C4orf50: variants seen among roughly 807,000 people sequenced by gnomAD.
The protein encoded by C4orf50 is chromosome 4 open reading frame 50, also known as uncharacterized protein C4orf50.
A neutral mutation model predicts 77.2 loss-of-function variants in C4orf50; 80 were observed. That is an observed-to-expected ratio of 1.04 (90% CI 0.87 to 1.25). The LOEUF is 1.25. Ranked by LOEUF, C4orf50 falls within the 50% of genes most tolerant of loss-of-function variation. The pLI, the probability that C4orf50 is intolerant of heterozygous loss-of-function variation, is 0.00. For synonymous variants in C4orf50, 532 were observed against 465.3 expected (o/e 1.14, Z -1.84); for missense variants, 1,257 against 1,152.9 (o/e 1.09, Z -1.31).
At chr4:5,903,570 C>T (rs1315523696) in intron 7 of C4orf50, 1 of 152,164 alleles carries the variant, frequency 6.6e-6, no homozygotes, top group Non-Finnish European at 1.5e-5. Flanking sequence ...TGATTCCACT[C>T]ACATGAGGTC....
At chr4:5,948,718 C>CT (rs1407750056) in intron 7 of C4orf50, among the ~76,000 whole-genome samples, 2 of 151,146 alleles carry the variant, frequency 1.3e-5, no homozygotes, top group African/African-American at 4.9e-5. Flanking sequence ...TTGCTTGAAC[C>CT]GGGAGGCAGA....
chr4:6,001,079 T>C (rs538398152), intron 25 of C4orf50, among the ~76,000 whole-genome samples: 89 of 152,190 alleles, frequency 5.8e-4, no homozygotes, highest in African/African-American at 2.0e-3. Context: ...TAGTCGAAAT[T>C]CTCCTAACCT....
Position 6,007,021 on chromosome 4 carries a change from T to C in C4orf50, c.963+975A>G, listed in dbSNP as rs115144802. On this transcript the variant is annotated intron_variant, in intron 25 of 33. Coordinates refer to ENST00000531445, the Ensembl canonical transcript of C4orf50. This position sits in a 1 kb window ranked among gnomAD's most constrained non-coding sequence, Gnocchi z 4.1. Reference sequence around the variant, plus strand: ...CATATGAGTCCCATGGCACAGCATGTTGAAGATTTTGTCTAGCGCAGGGCC... The same window carrying C: ...CATATGAGTCCCATGGCACAGCATGCTGAAGATTTTGTCTAGCGCAGGGCC... Among the ~76,000 whole-genome samples, 3,119 of 152,240 alleles carry C rather than the reference T, an allele frequency of 0.02. 108 individuals are homozygous for C. The highest frequency in any genetic ancestry group is 0.069 in the African/African-American group (2,882 of 41,518).
intron 7 of C4orf50, among the ~76,000 whole-genome samples, chr4:5,938,795 CT>C (rs5855874): frequency 0.5 from 75,377 of 149,688 alleles, 19,603 homozygotes; most frequent in Non-Finnish European, 0.58. Flanking sequence ...TTTTTCTTTT[CT>C]TTTTTTTTTT....
intron 7 of C4orf50, among the ~76,000 whole-genome samples, chr4:5,924,710 T>C (rs1040106400): frequency 2.0e-5 from 3 of 152,090 alleles, no homozygotes; most frequent in African/African-American, 7.2e-5. Flanking sequence ...GGAACTGAGA[T>C]CAAGTTCCAC....
intron 7 of C4orf50, among the ~76,000 whole-genome samples, chr4:5,907,449 G>A (rs368882945): frequency 6.6e-6 from 1 of 152,078 alleles, no homozygotes; most frequent in Non-Finnish European, 1.5e-5. Flanking sequence ...TGGTGGGGAG[G>A]GTCATGTAAT....
At position 5,992,595 on chromosome 4, in the gene C4orf50, C is replaced by A. The variant is rs1007020138; in HGVS notation, c.1221+208G>T. On this transcript the variant is annotated intron_variant, in intron 27 of 33. Coordinates refer to ENST00000531445, the Ensembl canonical transcript of C4orf50. The surrounding 1 kb of genome is among the most constrained non-coding windows in gnomAD (Gnocchi z 5.0). ...AAGCCCAGGCCTGGCACCCAGTTAACCCCCTTCCTCCCCACCCCCCATCCA... is the reference window on the plus strand; with the variant it reads ...AAGCCCAGGCCTGGCACCCAGTTAAACCCCTTCCTCCCCACCCCCCATCCA... 6.6e-6 allele frequency among the ~76,000 whole-genome samples: 1 copy of A among 152,060 alleles called. No homozygotes were observed. The highest frequency in any genetic ancestry group is 2.4e-5 in the African/African-American group (1 of 41,406).
At chr4:5,975,319 T>A (rs1720206950) in intron 30 of C4orf50, among the ~76,000 whole-genome samples, 1 of 151,998 alleles carries the variant, frequency 6.6e-6, no homozygotes, top group Non-Finnish European at 1.5e-5. Flanking sequence ...AAGTGCAGCC[T>A]CAAAGGCTGG....
intron 32 of C4orf50, among the ~76,000 whole-genome samples, chr4:5,965,553 C>G (rs988670854): frequency 3.3e-5 from 5 of 152,236 alleles, no homozygotes; most frequent in African/African-American, 1.2e-4. Context: ...GCGTTTCCTT[C>G]TTTGAAACGG....
intron 23 of C4orf50, 55 bp from the exon 2 acceptor site, chr4:6,012,023 G>C (rs1476603894): frequency 2.5e-6 from 1 of 398,792 alleles, no homozygotes; most frequent in Non-Finnish European, 4.4e-6. Context: ...ACATGGCCTA[G>C]GGCTTTTGCA....
intron 25 of C4orf50, among the ~76,000 whole-genome samples, chr4:5,995,462 C>A (rs1311211286): frequency 1.5e-5 from 2 of 137,358 alleles, no homozygotes; most frequent in Non-Finnish European, 3.1e-5. Flanking sequence ...AGGGGAGAGG[C>A]TTGGGACTGG....
At chr4:5,945,070 ACAGGC>A (rs1315443678) in intron 7 of C4orf50, among the ~76,000 whole-genome samples, 2 of 152,130 alleles carry the variant, frequency 1.3e-5, no homozygotes, top group East Asian at 3.9e-4. Flanking sequence ...ATGATTCTCC[ACAGGC>A]CAGTGGCTCT....
intron 23 of C4orf50, among the ~76,000 whole-genome samples, chr4:6,012,212 C>T (rs1354306548): frequency 6.6e-6 from 1 of 152,168 alleles, no homozygotes; most frequent in East Asian, 1.9e-4. Context: ...CGTCCTCACA[C>T]CGAAGCCAGT....
At chr4:5,983,562 G>A (rs1184606035) in intron 28 of C4orf50, among the ~76,000 whole-genome samples, 1 of 152,134 alleles carries the variant, frequency 6.6e-6, no homozygotes, top group African/African-American at 2.4e-5. Flanking sequence ...CACTGGTATT[G>A]GACAACTATA....
chr4:5,922,321 T>C (rs1021200800), intron 7 of C4orf50, among the ~76,000 whole-genome samples: 1 of 152,200 alleles, frequency 6.6e-6, no homozygotes, highest in Non-Finnish European at 1.5e-5. Context: ...CCTGAAAAGA[T>C]GCAAACCTTA....
At chr4:5,976,279 A>AC (rs1720276705) in intron 29 of C4orf50, among the ~76,000 whole-genome samples, 1 of 151,000 alleles carries the variant, frequency 6.6e-6, no homozygotes, top group Non-Finnish European at 1.5e-5. Context: ...CCCCATCTCT[A>AC]CTAAAAAAAA....
chr4:5,923,500 C>T (rs999837933), intron 7 of C4orf50, among the ~76,000 whole-genome samples: 2 of 151,914 alleles, frequency 1.3e-5, no homozygotes, highest in East Asian at 3.9e-4. Flanking sequence ...CCTGCCTGGA[C>T]CCCACCCCAC....
intron 7 of C4orf50, among the ~76,000 whole-genome samples, chr4:5,937,068 T>C (rs1482774132): frequency 6.8e-6 from 1 of 147,720 alleles, no homozygotes; most frequent in East Asian, 2.0e-4. Context: ...GACTGAGAGG[T>C]TTTTACTGCT....
chr4:5,939,251 A>G (rs921972131), intron 7 of C4orf50, among the ~76,000 whole-genome samples: 1 of 151,766 alleles, frequency 6.6e-6, no homozygotes, highest in Admixed American at 6.6e-5. Context: ...CTCAAAAAAA[A>G]AGAAAGAAAG....
Sources: gnomAD v4.1 joint callset for allele counts (sites outside exome capture counted in the v4.1 genomes callset) on GRCh38, gnomAD v4.1.1 for gene constraint, Gnocchi (gnomAD v3.1) non-coding constraint, MANE v1.5 for transcripts, NCBI Gene and HGNC (gene_info 2026-07-23, HGNC 2026-07-21) for gene names.